The following ADPGK variants were observed in gnomAD, a reference collection of about 807,000 sequenced individuals.
The protein encoded by ADPGK is ADP dependent glucokinase.
A neutral mutation model predicts 42.4 loss-of-function variants in ADPGK; 26 were observed. The ratio of observed to expected loss-of-function variants is 0.61; its 90% CI spans 0.45 to 0.85. The LOEUF (loss-of-function observed/expected upper bound fraction) is 0.85. ADPGK is among the 40% of genes least tolerant of loss of function. ADPGK has a pLI of 0.00. For missense variants in ADPGK, 571 were observed against 627.0 expected (o/e 0.91, Z 0.95); for synonymous variants, 267 against 252.6 (o/e 1.06, Z -0.54).
In ADPGK at chr15:72,752,656, A is replaced by T; in HGVS notation, c.1179T>A (p.Asp393Glu). The T allele has an allele frequency of 6.2e-7, 1 of 1,614,232 alleles. No homozygotes were observed. Among genetic ancestry groups the T allele is most frequent in the Non-Finnish European group, 8.5e-7 (1 of 1,180,050 alleles). The change falls in exon 7 of 7, where the codon GAT becomes GAA. Residue 393 changes from aspartate (D) to glutamate (E), a missense_variant. Transcript: ENST00000456471. The part of the protein sequence containing the change: ...TLVYHILATV[D>E]GHWANQLAAV... The stretch of plus-strand genomic sequence containing the variant: ...CTGCCAGCTGGTTGGCCCAGTGTCC[A>T]TCCACAGTTGCCAGGATGTGGTAGA...
intron 4 of ADPGK, chr15:72,757,659 A>G (rs2066134576): frequency 6.0e-6 from 1 of 167,798 alleles, no homozygotes; most frequent in African/African-American, 2.4e-5. Context: ...AAATAAGAGA[A>G]CAGACTGATG....
Position 72,783,691 on chromosome 15 carries a change from T to TGGGG in ADPGK, c.-4_-1dup. The stretch of plus-strand genomic sequence containing the variant: ...TACGCGGAGCCGCGCCACAGCGCCA[T>TGGGG]GGGGACCCAGGCGCCGCACCTGCGC... On this transcript the variant is annotated 5_prime_UTR_variant, in exon 1 of 7. Transcript: ENST00000456471. 6.8e-7 allele frequency: 1 copy of TGGGG among 1,478,034 alleles called. No homozygotes were observed. The allele number at this position is 1,478,034 out of a possible 1,614,324, so 91.6% of individuals were successfully genotyped here. A position where few individuals can be genotyped will look rare whatever the true frequency, so the allele number is the denominator to read the frequency against.
chr15:72,762,248 A>G (rs1324533658), intron 3 of ADPGK, among the ~76,000 whole-genome samples: 1 of 151,938 alleles, frequency 6.6e-6, no homozygotes, highest in Non-Finnish European at 1.5e-5. Context: ...TGAGCTCAAG[A>G]GATCCTCCCA....
intron 3 of ADPGK, among the ~76,000 whole-genome samples, chr15:72,768,922 C>T (rs530311536): frequency 3.4e-5 from 5 of 147,554 alleles, no homozygotes; most frequent in Admixed American, 1.4e-4. Flanking sequence ...TGCAGTGAGC[C>T]GAGATCATGC....
intron 4 of ADPGK, chr15:72,758,300 A>T: frequency 1.4e-6 from 1 of 705,628 alleles, no homozygotes; most frequent in Non-Finnish European, 2.6e-6. Flanking sequence ...TCCTGTAAGC[A>T]ATCTCTTCTC....
intron 5 of ADPGK, 83 bp from the exon 6 acceptor site, chr15:72,755,737 G>A (rs1191659032): frequency 8.8e-7 from 1 of 1,131,628 alleles, no homozygotes; most frequent in African/African-American, 1.5e-5. Context: ...ATCCTGAGAG[G>A]CGGTTCCTCC....
intron 4 of ADPGK, chr15:72,758,249 G>A: frequency 1.1e-6 from 1 of 896,210 alleles, no homozygotes; most frequent in Non-Finnish European, 1.9e-6. Flanking sequence ...GCCTGTAATG[G>A]TAGTTAGCGC....
At chr15:72,783,243 T>C in intron 1 of ADPGK, 5 of 1,240,058 alleles carry the variant, frequency 4.0e-6, no homozygotes, top group Non-Finnish European at 5.0e-6. Flanking sequence ...GGGCTGGTCC[T>C]ACCGGGATGA....
Position 72,773,624 on chromosome 15 carries a change from G to A in ADPGK, c.459+1248C>T, listed in dbSNP as rs528430912. 7.9e-5 allele frequency among the ~76,000 whole-genome samples: 12 copies of A among 152,290 alleles called. No individual in the cohort carries two copies. The South Asian group carries it at 2.1e-3, about 26-fold the overall frequency. On this transcript the variant is annotated intron_variant, in intron 2 of 6. Coordinates refer to ENST00000456471, the MANE Select transcript of ADPGK (RefSeq NM_001365225.1). ...TTTTTTTCATCAAGAAATAAAGGCAGAATCAAGAGAGAAGAGAAATCAAAC... is the reference window on the plus strand; with the variant it reads ...TTTTTTTCATCAAGAAATAAAGGCAAAATCAAGAGAGAAGAGAAATCAAAC...
intron 3 of ADPGK, among the ~76,000 whole-genome samples, chr15:72,770,467 T>C (rs2066315282): frequency 6.6e-6 from 1 of 152,232 alleles, no homozygotes; most frequent in East Asian, 1.9e-4. Context: ...ATCAGGAGGG[T>C]GGCTTCTTAG....
At chr15:72,775,154 C>A (rs1168275933) in intron 1 of ADPGK, 57 bp from the exon 2 acceptor site, 1 of 1,454,864 alleles carries the variant, frequency 6.9e-7, no homozygotes, top group Non-Finnish European at 9.6e-7. Flanking sequence ...AGCCATTTTG[C>A]ATTTAACAAA....
At chr15:72,764,094 C>T (rs916010469) in intron 3 of ADPGK, among the ~76,000 whole-genome samples, 1 of 152,134 alleles carries the variant, frequency 6.6e-6, no homozygotes, top group Admixed American at 6.5e-5. Context: ...CTACAATGGC[C>T]TCTATGTGTT....
intron 1 of ADPGK, among the ~76,000 whole-genome samples, chr15:72,781,573 T>C (rs1297149738): frequency 6.6e-6 from 1 of 152,276 alleles, no homozygotes; most frequent in Non-Finnish European, 1.5e-5. Flanking sequence ...CCAAATGTTC[T>C]TTTCACAATG....
rs1282812072 is a variant in ADPGK at position 72,761,806 on chromosome 15, C to T, written c.523-1279G>A. On this transcript the variant is annotated intron_variant, in intron 3 of 6. Coordinates refer to ENST00000456471, the MANE Select transcript of ADPGK (RefSeq NM_001365225.1). ...CTTGACCTCCCAGGCTCAAGCGACC[C>T]TCCTGCCTCAGCCTCCCGAGTAGCT... is the stretch of plus-strand genomic sequence containing the variant. Among the ~76,000 whole-genome samples the T allele has an allele frequency of 3.9e-5, 6 of 152,100 alleles. No individual in the cohort carries two copies. In the East Asian group the frequency reaches 9.6e-4, roughly 24 times the overall value.
intron 1 of ADPGK, chr15:72,783,189 C>T (rs1428808911): frequency 2.5e-6 from 3 of 1,208,930 alleles, no homozygotes; most frequent in African/African-American, 1.6e-5. Flanking sequence ...GAAGAAGGCT[C>T]GGAGAAAGGT....
intron 1 of ADPGK, among the ~76,000 whole-genome samples, chr15:72,776,980 G>C (rs1200663278): frequency 6.6e-6 from 1 of 152,160 alleles, no homozygotes; most frequent in Admixed American, 6.5e-5. Flanking sequence ...TTCTAGTAAA[G>C]AAACACTGAA....
chr15:72,770,417 C>G (rs1219581793), intron 3 of ADPGK, among the ~76,000 whole-genome samples: 1 of 152,168 alleles, frequency 6.6e-6, no homozygotes, highest in East Asian at 1.9e-4. Flanking sequence ...CATGACCGTC[C>G]TGGGTATTGT....
intron 3 of ADPGK, among the ~76,000 whole-genome samples, chr15:72,770,215 T>C (rs1355899729): frequency 1.3e-5 from 2 of 152,226 alleles, no homozygotes; most frequent in African/African-American, 2.4e-5. Context: ...ACCTCTGTCT[T>C]TGAAATCATA....
At chr15:72,779,146 C>T (rs1422270154) in intron 1 of ADPGK, among the ~76,000 whole-genome samples, 1 of 151,352 alleles carries the variant, frequency 6.6e-6, no homozygotes, top group Non-Finnish European at 1.5e-5. Flanking sequence ...AAAGAATTAT[C>T]TAGCTAGAAT....
Sources: allele counts gnomAD v4.1 joint callset (sites outside exome capture counted in the v4.1 genomes callset), GRCh38; gene constraint gnomAD v4.1.1; transcripts MANE v1.5; gene names NCBI Gene and HGNC (gene_info 2026-07-23, HGNC 2026-07-21).